RPGRIP1L: variants seen among roughly 807,000 people sequenced by gnomAD.
RPGRIP1L encodes the protein protein fantom.
In RPGRIP1L, 131 loss-of-function variants were observed where a neutral mutation model predicts 160.4. The ratio of observed to expected loss-of-function variants is 0.82; its 90% CI spans 0.71 to 0.94. The LOEUF is 0.94. Ranked by LOEUF, RPGRIP1L falls within the 40% of genes least tolerant of loss-of-function variation. The pLI is 0.00. For synonymous variants in RPGRIP1L, 510 were observed against 515.8 expected, an observed-to-expected ratio of 0.99 and a Z score of 0.15; for missense variants, 1,522 against 1,535.8, an observed-to-expected ratio of 0.99 and a Z score of 0.15.
intron 3 of RPGRIP1L, chr16:53,695,344 G>A (rs187324630): frequency 1.4e-6 from 1 of 702,932 alleles, no homozygotes; most frequent in East Asian, 2.7e-5. Context: ...GCATGCCAGT[G>A]GGTTGTTGAA....
intron 6 of RPGRIP1L, among the ~76,000 whole-genome samples, chr16:53,685,018 A>G (rs998992703): frequency 3.9e-5 from 6 of 152,134 alleles, no homozygotes; most frequent in African/African-American, 1.4e-4. Flanking sequence ...ATTTACAAGA[A>G]AAAAAAGCCA....
At chr16:53,672,564 G>A (rs543503549) in intron 8 of RPGRIP1L, among the ~76,000 whole-genome samples, 15 of 152,106 alleles carry the variant, frequency 9.9e-5, no homozygotes, top group Non-Finnish European at 2.2e-4. Flanking sequence ...TGATTAATAA[G>A]CTGTTACAGT....
At chr16:53,675,763 C>A (rs909136948) in intron 6 of RPGRIP1L, among the ~76,000 whole-genome samples, 1 of 152,006 alleles carries the variant, frequency 6.6e-6, no homozygotes, top group African/African-American at 2.4e-5. Context: ...TATATAGAAA[C>A]CTTATATGTT....
chr16:53,623,886 A>G lies in RPGRIP1L; in HGVS notation c.3295-1530T>C, dbSNP rs543181983. On this transcript the variant is annotated intron_variant, in intron 22 of 26. Transcript: ENST00000647211. The stretch of plus-strand genomic sequence containing the variant: ...AGTGGAGACTGTGTATCTTTTATAT[A>G]TTCAGAATATCTTTTTTTATTTTTC... Among the ~76,000 whole-genome samples the G allele has an allele frequency of 2.0e-5, 3 of 152,248 alleles. No individual in the cohort carries two copies. The South Asian group carries it at 6.2e-4, about 32-fold the overall frequency.
At position 53,638,351 on chromosome 16, in the gene RPGRIP1L, C is replaced by T; in HGVS notation, c.3019G>A (p.Glu1007Lys). 1.3e-6 allele frequency: 2 copies of T among 1,597,726 alleles called. No homozygotes were observed. The highest frequency in any genetic ancestry group is 1.7e-6 in the Non-Finnish European group (2 of 1,165,648). The change falls in exon 20 of 27, where the codon GAA becomes AAA. Residue 1007 changes from glutamate to lysine, a missense_variant. Physicochemically the swap from Glu to Lys is moderately conservative, Grantham distance 56. Coordinates refer to ENST00000647211, the MANE Select transcript of RPGRIP1L (RefSeq NM_015272.5). ...EISPEVEHIP[E>K]IEINMLTVPH... ...ACAGTCAGCATATTAATTTCTATTT[C>T]TGGTATATGCTCTACCTCTGGTGAA...
intron 3 of RPGRIP1L, chr16:53,695,660 G>A: frequency 3.7e-6 from 2 of 536,594 alleles, no homozygotes; most frequent in Non-Finnish European, 6.6e-6. Context: ...AGAAACAGTA[G>A]AGACTCTTTG....
chr16:53,653,995 ACT>A (rs1967032125), intron 14 of RPGRIP1L, among the ~76,000 whole-genome samples: 2 of 152,154 alleles, frequency 1.3e-5, no homozygotes, highest in East Asian at 3.9e-4. Context: ...ACAGATTCTC[ACT>A]CTGTCACCCA....
chr16:53,662,363 C>T (rs535414077), intron 10 of RPGRIP1L, among the ~76,000 whole-genome samples: 1 of 152,256 alleles, frequency 6.6e-6, no homozygotes, highest in Admixed American at 6.5e-5. Flanking sequence ...CAAATGCAAA[C>T]TGCATTTACA....
chr16:53,598,836 T>A lies in RPGRIP1L; in HGVS notation c.*3240A>T. On this transcript the variant is annotated 3_prime_UTR_variant, in exon 27 of 27. Coordinates refer to ENST00000647211, the MANE Select transcript of RPGRIP1L (RefSeq NM_015272.5). Reference sequence around the variant, plus strand: ...TATCATCCTGATATTGTCAATCACTTGATAATTTTTATCCCAAAATCTCTC... The same window carrying A: ...TATCATCCTGATATTGTCAATCACTAGATAATTTTTATCCCAAAATCTCTC... The A allele has an allele frequency of 6.6e-6, 1 of 152,254 alleles. No individual in the cohort carries two copies. Among genetic ancestry groups the A allele is most frequent in the Admixed American group, 6.5e-5 (1 of 15,288 alleles). The allele number at this position is 152,254 out of a possible 1,614,324, so 9.4% of individuals were successfully genotyped here.
chr16:53,666,578 G>GTT (rs1345405477), intron 9 of RPGRIP1L, among the ~76,000 whole-genome samples: 1 of 130,622 alleles, frequency 7.7e-6, no homozygotes, highest in Non-Finnish European at 1.7e-5. Context: ...GTGTGTGTGT[G>GTT]TGTGTGTGTG....
At chr16:53,645,531 A>G (rs917689615) in intron 17 of RPGRIP1L, 94 bp downstream of exon 17, 2 of 1,172,498 alleles carry the variant, frequency 1.7e-6, no homozygotes, top group African/African-American at 3.1e-5. Context: ...AGAAGAGGTT[A>G]GGGTGATTAG....
chr16:53,700,586 A>C lies in RPGRIP1L; in HGVS notation c.85+53T>G, dbSNP rs966685966. 2.2e-6 allele frequency: 3 copies of C among 1,360,312 alleles called. No individual in the cohort carries two copies. In the African/African-American group the frequency reaches 4.3e-5, roughly 19 times the overall value. The allele number at this position is 1,360,312 out of a possible 1,614,324, so 84.3% of individuals were successfully genotyped here. On this transcript the variant is annotated intron_variant, in intron 2 of 26. Coordinates refer to ENST00000647211, the MANE Select transcript of RPGRIP1L (RefSeq NM_015272.5). ...TGAGTATAAGAAATACTTTAAATTA[A>C]AAGTAGTCAGTGATCAAAGTTCATA...
chr16:53,698,537 G>T (rs1971060567), intron 2 of RPGRIP1L, among the ~76,000 whole-genome samples: 1 of 145,896 alleles, frequency 6.9e-6, no homozygotes, highest in Non-Finnish European at 1.5e-5. Flanking sequence ...GTCTGGGAGG[G>T]AGGTGGAGGG....
At chr16:53,651,235 C>T (rs1040454827) in intron 15 of RPGRIP1L, among the ~76,000 whole-genome samples, 2 of 152,210 alleles carry the variant, frequency 1.3e-5, no homozygotes, top group Non-Finnish European at 2.9e-5. Flanking sequence ...CATTATCACA[C>T]ATTCAAGTGA....
At chr16:53,619,283 C>T in intron 23 of RPGRIP1L, 75 bp from the exon 24 acceptor site, 3 of 1,379,184 alleles carry the variant, frequency 2.2e-6, no homozygotes, top group Non-Finnish European at 3.1e-6. Context: ...TTACTTTCCA[C>T]TATCAATTTT....
chr16:53,702,673 A>ATTTCT (rs1233447868), intron 1 of RPGRIP1L, among the ~76,000 whole-genome samples: 3 of 144,872 alleles, frequency 2.1e-5, no homozygotes, highest in East Asian at 2.1e-4. Context: ...TTCACTGTTT[A>ATTTCT]TTTCTTTTCT....
At chr16:53,696,848 G>C (rs554853025) in intron 2 of RPGRIP1L, among the ~76,000 whole-genome samples, 2 of 152,076 alleles carry the variant, frequency 1.3e-5, no homozygotes, top group Non-Finnish European at 2.9e-5. Flanking sequence ...TTTTAAGAAC[G>C]TTTATACTCT....
intron 25 of RPGRIP1L, among the ~76,000 whole-genome samples, chr16:53,606,480 A>C (rs1300489413): frequency 6.6e-6 from 1 of 152,240 alleles, no homozygotes; most frequent in Non-Finnish European, 1.5e-5. Context: ...TGCCTTGAAA[A>C]ACACAAATAA....
intron 5 of RPGRIP1L, among the ~76,000 whole-genome samples, chr16:53,687,245 T>C (rs1598402528): frequency 6.6e-6 from 1 of 152,264 alleles, no homozygotes; most frequent in East Asian, 1.9e-4. Context: ...TCTCATGAAG[T>C]ATTGTTACTT....
Sources: allele counts gnomAD v4.1 joint callset (sites outside exome capture counted in the v4.1 genomes callset), GRCh38; gene constraint gnomAD v4.1.1; transcripts MANE v1.5; gene names NCBI Gene and HGNC (gene_info 2026-07-23, HGNC 2026-07-21).